USP14: variants seen among roughly 807,000 people sequenced by gnomAD.
USP14 encodes ubiquitin carboxyl-terminal hydrolase 14.
In USP14, 38 loss-of-function variants were observed where a neutral mutation model predicts 76.5. That is an observed-to-expected ratio of 0.50 (90% CI 0.38 to 0.65). The LOEUF is 0.65. USP14 is among the 30% of genes least tolerant of loss of function. The pLI is 0.00. For synonymous variants in USP14, 192 were observed against 191.7 expected (o/e 1.00, Z -0.01); for missense variants, 467 against 586.5 (o/e 0.80, Z 2.10).
chr18:197,541 C>A, intron 7 of USP14, 75 bp from the exon 8 acceptor site: 1 of 1,162,530 alleles, frequency 8.6e-7, no homozygotes, highest in Non-Finnish European at 1.3e-6. Context: ...GCCTAGGAGA[C>A]AGTGATTATT....
intron 5 of USP14, among the ~76,000 whole-genome samples, chr18:190,210 T>C (rs549433581): frequency 6.6e-6 from 1 of 152,352 alleles, no homozygotes; most frequent in African/African-American, 2.4e-5. Context: ...ATTTGGTTTA[T>C]GTTCAGTTTT....
intron 1 of USP14, 125 bp downstream of exon 1, chr18:158,839 G>C (rs1445295928): frequency 1.3e-4 from 163 of 1,250,700 alleles, no homozygotes; most frequent in Non-Finnish European, 1.6e-4. Flanking sequence ...GCGCGGGGCC[G>C]GCGGCGCGGA....
Position 214,561 on chromosome 18 carries a change from T to G in USP14, c.*3277T>G. The G allele has an allele frequency of 7.5e-7, 1 of 1,332,642 alleles. No homozygotes were observed. The highest frequency in any genetic ancestry group is 1.0e-6 in the Non-Finnish European group (1 of 960,126). 82.6% of individuals were successfully genotyped at this position (1,332,642 alleles called of 1,614,324 possible). Reference sequence around the variant, plus strand: ...TATTGTTTACCAAAACCAGTGGACCTCTTATCAAATGCTGCTTGGTAACAA... The same window carrying G: ...TATTGTTTACCAAAACCAGTGGACCGCTTATCAAATGCTGCTTGGTAACAA... On this transcript the variant is annotated 3_prime_UTR_variant, in exon 16 of 16. Transcript: ENST00000261601.
At chr18:190,256 G>C (rs1206443350) in intron 5 of USP14, among the ~76,000 whole-genome samples, 2 of 152,136 alleles carry the variant, frequency 1.3e-5, no homozygotes, top group African/African-American at 4.8e-5. Flanking sequence ...GAATATTCTA[G>C]TACATTTTTG....
At chr18:175,014 C>A (rs1909589200) in intron 3 of USP14, among the ~76,000 whole-genome samples, 1 of 152,048 alleles carries the variant, frequency 6.6e-6, no homozygotes, top group Admixed American at 6.6e-5. Context: ...CTCAAGCAAT[C>A]CTTCTGCCTT....
At chr18:209,480 T>C (rs149659367) in intron 13 of USP14, among the ~76,000 whole-genome samples, 1 of 152,352 alleles carries the variant, frequency 6.6e-6, no homozygotes, top group Non-Finnish European at 1.5e-5. Context: ...ACCTCTTTAA[T>C]GTAGGTAAGT....
intron 6 of USP14, among the ~76,000 whole-genome samples, chr18:193,913 G>A (rs1417793985): frequency 6.6e-6 from 1 of 152,154 alleles, no homozygotes; most frequent in African/African-American, 2.4e-5. Context: ...TCTTGGTGTG[G>A]ACAAATGCTT....
intron 6 of USP14, 79 bp from the exon 7 acceptor site, chr18:196,558 A>T: frequency 2.0e-6 from 3 of 1,469,056 alleles, no homozygotes; most frequent in Non-Finnish European, 2.7e-6. Context: ...TTTTGTTTGT[A>T]TTAATTAAAA....
chr18:187,432 A>G (rs1367355103), intron 5 of USP14, among the ~76,000 whole-genome samples: 1 of 152,164 alleles, frequency 6.6e-6, no homozygotes, highest in Non-Finnish European at 1.5e-5. Flanking sequence ...GTCATGTTCA[A>G]TACGCCTTTC....
rs1910623548 is a variant in USP14, at chr18:209,841, T to G, written c.1165-130T>G. Reference sequence around the variant, plus strand: ...ACTGTGGTTATATCATTTTAGTAATTTGGAAGGTAGACTGTATTTTGTCTC... The same window carrying G: ...ACTGTGGTTATATCATTTTAGTAATGTGGAAGGTAGACTGTATTTTGTCTC... On this transcript the variant is annotated intron_variant, in intron 13 of 15. Coordinates refer to ENST00000261601, the MANE Select transcript of USP14 (RefSeq NM_005151.4). 6 of 622,496 alleles carry G rather than the reference T, an allele frequency of 9.6e-6. No individual in the cohort carries two copies. In the East Asian group the frequency reaches 1.8e-4, roughly 19 times the overall value. 38.6% of individuals were successfully genotyped at this position (622,496 alleles called of 1,614,324 possible).
chr18:158,846 C>A (rs1035386777), intron 1 of USP14, 132 bp downstream of exon 1: 9 of 1,238,126 alleles, frequency 7.3e-6, no homozygotes, highest in Non-Finnish European at 5.1e-6. Context: ...GCCGGCGGCG[C>A]GGAGATGACC....
intron 7 of USP14, among the ~76,000 whole-genome samples, chr18:197,277 A>G (rs1598276736): frequency 1.3e-5 from 2 of 152,202 alleles, no homozygotes; most frequent in African/African-American, 4.8e-5. Flanking sequence ...TGATGACCTT[A>G]TTGGAACAGC....
At chr18:209,378 T>G (rs576065137) in intron 13 of USP14, among the ~76,000 whole-genome samples, 179 of 152,352 alleles carry the variant, frequency 1.2e-3, no homozygotes, top group African/African-American at 4.2e-3. Context: ...CTTTGTGCTG[T>G]ATTCCTAGAT....
In USP14 at chr18:183,463, G is replaced by A. The variant is rs116757817; in HGVS notation, c.404+3124G>A. Among the ~76,000 whole-genome samples, 1,006 of 151,566 alleles carry A rather than the reference G, an allele frequency of 6.6e-3. 12 individuals are homozygous for A. Among genetic ancestry groups the A allele is most frequent in the African/African-American group, 0.022 (907 of 41,390 alleles). On this transcript the variant is annotated intron_variant, in intron 5 of 15. Transcript: ENST00000261601. ...CATTTCTTGGTCATTATTTCTTTAG[G>A]TACTGCTTCTCCTCCACCTGGTTTC...
intron 5 of USP14, among the ~76,000 whole-genome samples, chr18:180,878 A>G (rs907992060): frequency 6.8e-6 from 1 of 146,608 alleles, no homozygotes; most frequent in African/African-American, 2.5e-5. Context: ...CAGCACACGT[A>G]ACACCTCATT....
intron 4 of USP14, 42 bp from the exon 5 acceptor site, chr18:180,194 G>A: frequency 8.9e-7 from 1 of 1,126,232 alleles, no homozygotes; most frequent in Non-Finnish European, 1.3e-6. Context: ...TTGTAAAAAT[G>A]GTTTAATGAT....
chr18:158,822 G>A, intron 1 of USP14, 108 bp downstream of exon 1: 1 of 1,263,388 alleles, frequency 7.9e-7, no homozygotes, highest in East Asian at 3.2e-5. Flanking sequence ...AGGGGCCGGG[G>A]TGGGGTGCGC....
intron 5 of USP14, among the ~76,000 whole-genome samples, chr18:186,121 T>C (rs1909923215): frequency 6.6e-6 from 1 of 152,160 alleles, no homozygotes. Flanking sequence ...GGCCCTTATG[T>C]CAGGATATGA....
At chr18:178,863 C>A in intron 3 of USP14, 70 bp from the exon 4 acceptor site, 2 of 1,152,040 alleles carry the variant, frequency 1.7e-6, no homozygotes, top group Non-Finnish European at 1.2e-6. Flanking sequence ...TTGTTCCTGG[C>A]TTCTTTTGGT....
Sources: gnomAD v4.1 joint callset for allele counts (sites outside exome capture counted in the v4.1 genomes callset) on GRCh38, gnomAD v4.1.1 for gene constraint, MANE v1.5 for transcripts, NCBI Gene and HGNC (gene_info 2026-07-23, HGNC 2026-07-21) for gene names.